The following MICAL3 variants were observed in gnomAD, a reference collection of about 807,000 sequenced individuals.
MICAL3 encodes the protein [F-actin]-monooxygenase MICAL3.
In MICAL3, 62 loss-of-function variants were observed where a neutral mutation model predicts 207.4. That is an observed-to-expected ratio of 0.30 (90% CI 0.24 to 0.37). MICAL3 has a LOEUF of 0.37. Ranked by LOEUF, MICAL3 falls within the 10% of genes least tolerant of loss-of-function variation. The pLI is 1.00. For synonymous variants in MICAL3, 1,077 were observed against 1,069.3 expected, an observed-to-expected ratio of 1.01 and a Z score of -0.14; for missense variants, 2,368 against 2,635.6, an observed-to-expected ratio of 0.90 and a Z score of 2.22.
intron 29 of MICAL3, among the ~76,000 whole-genome samples, chr22:17,808,182 A>G (rs368427526): frequency 1.3e-5 from 2 of 152,246 alleles, no homozygotes; most frequent in African/African-American, 2.4e-5. Flanking sequence ...GAATGAGCGC[A>G]CCACATTCTC....
In MICAL3 at chr22:17,817,647, C is replaced by A; in HGVS notation, c.5014G>T (p.Val1672Phe). ...CCTGAGTCCGACGGCGGGGAGAGGACCTCCTCGCTGGTGGCTTCATGCTTC... is the reference window on the plus strand; with the variant it reads ...CCTGAGTCCGACGGCGGGGAGAGGAACTCCTCGCTGGTGGCTTCATGCTTC... ...TLKHEATSEE[V>F]LSPPSDSGGP... The change falls in exon 26 of 32, where the codon GTC becomes TTC. Residue 1672 changes from valine to phenylalanine, a missense_variant. Transcript: ENST00000441493. 2.5e-6 allele frequency: 4 copies of A among 1,612,632 alleles called. No individual in the cohort carries two copies. Among genetic ancestry groups the A allele is most frequent in the East Asian group, 2.2e-5 (1 of 44,860 alleles).
At chr22:17,876,251 T>C (rs1461794460) in intron 16 of MICAL3, among the ~76,000 whole-genome samples, 5 of 152,212 alleles carry the variant, frequency 3.3e-5, no homozygotes, top group South Asian at 2.1e-4. Context: ...TCCCCAGAGA[T>C]TGAGGCAGTG....
intron 1 of MICAL3, among the ~76,000 whole-genome samples, chr22:17,966,057 C>T (rs1379983885): frequency 2.0e-5 from 3 of 152,210 alleles, no homozygotes; most frequent in South Asian, 2.1e-4. Flanking sequence ...AGAGAGGAGT[C>T]GGAGGTAACT....
At chr22:17,918,013 C>A (rs369715712) in intron 1 of MICAL3, among the ~76,000 whole-genome samples, 8 of 152,368 alleles carry the variant, frequency 5.3e-5, no homozygotes, top group African/African-American at 1.9e-4. Flanking sequence ...CCCGGATACA[C>A]CTGCTTTGTC....
In MICAL3 at chr22:17,889,020, CT is replaced by C. The variant is rs1264598010; in HGVS notation, c.1891+13del. 6.4e-7 allele frequency: 1 copy of C among 1,572,910 alleles called. No homozygotes were observed. Among genetic ancestry groups the C allele is most frequent in the East Asian group, 2.3e-5 (1 of 43,768 alleles). Reference sequence around the variant, plus strand: ...GCAGCAGGGGGCCGCAAAGCAGCTCCTTCCAGGCCTTACCGCTAGAGGGGAG... The same window carrying C: ...GCAGCAGGGGGCCGCAAAGCAGCTCCTCCAGGCCTTACCGCTAGAGGGGAG... On this transcript the variant is annotated intron_variant, in intron 13 of 31. Coordinates refer to ENST00000441493, the MANE Select transcript of MICAL3 (RefSeq NM_015241.3).
chr22:18,016,231 A>G (rs574040443), intron 1 of MICAL3, among the ~76,000 whole-genome samples: 1 of 152,344 alleles, frequency 6.6e-6, no homozygotes, highest in Non-Finnish European at 1.5e-5. Flanking sequence ...ATAACAGTAT[A>G]ATGGTGTTGT....
intron 1 of MICAL3, among the ~76,000 whole-genome samples, chr22:17,963,874 T>A (rs1370251769): frequency 6.6e-6 from 1 of 152,130 alleles, no homozygotes; most frequent in African/African-American, 2.4e-5. Context: ...CAGCTGAGGG[T>A]CAAATAGGCA....
At chr22:17,948,386 C>T (rs1179886887) in intron 1 of MICAL3, among the ~76,000 whole-genome samples, 1 of 152,116 alleles carries the variant, frequency 6.6e-6, no homozygotes, top group African/African-American at 2.4e-5. Flanking sequence ...GCATGGATAC[C>T]GGGGGGCCAT....
chr22:17,966,293 C>G (rs1223273220), intron 1 of MICAL3, among the ~76,000 whole-genome samples: 1 of 152,108 alleles, frequency 6.6e-6, no homozygotes, highest in Non-Finnish European at 1.5e-5. Context: ...ACATTCCACT[C>G]CCTCGGGCCT....
intron 1 of MICAL3, among the ~76,000 whole-genome samples, chr22:17,909,397 C>T (rs1421817977): frequency 1.3e-5 from 2 of 152,120 alleles, no homozygotes; most frequent in Non-Finnish European, 2.9e-5. Context: ...TGGTGGCACA[C>T]GCCTGTAATC....
chr22:18,016,579 G>A (rs575482636), intron 1 of MICAL3, among the ~76,000 whole-genome samples: 1 of 152,124 alleles, frequency 6.6e-6, no homozygotes, highest in Non-Finnish European at 1.5e-5. Context: ...AACTTTTCCA[G>A]AGTGTTATAT....
rs770784446 is a variant in MICAL3 at position 17,864,930 on chromosome 22, G to A, written c.2574C>T (p.Asn858=). 1.5e-5 allele frequency: 25 copies of A among 1,613,688 alleles called. 1 individual carries two copies. Among genetic ancestry groups the A allele is most frequent in the South Asian group, 6.6e-5 (6 of 91,080 alleles). Residue 858 remains asparagine, a synonymous_variant, in exon 19 of 32, where the codon AAC becomes AAT. Coordinates refer to ENST00000441493, the MANE Select transcript of MICAL3 (RefSeq NM_015241.3). ...GATTDANGRA[N]AVASSTERTP... ...TTCTCTCAGTGGAGCTGGCCACGGC[G>A]TTGGCCCGTCCGTTTGCATCTGTGG...
chr22:17,929,815 G>T (rs189596883), intron 1 of MICAL3, among the ~76,000 whole-genome samples: 1 of 152,082 alleles, frequency 6.6e-6, no homozygotes, highest in African/African-American at 2.4e-5. Context: ...TGATCCACCC[G>T]CCTTGGCCTC....
chr22:17,867,060 A>G (rs1456030912), intron 17 of MICAL3, among the ~76,000 whole-genome samples: 1 of 152,230 alleles, frequency 6.6e-6, no homozygotes, highest in Non-Finnish European at 1.5e-5. Context: ...GTCAAAGAAA[A>G]TAAAGGTAAG....
intron 19 of MICAL3, among the ~76,000 whole-genome samples, chr22:17,856,190 C>T (rs374921909): frequency 1.3e-5 from 2 of 152,268 alleles, no homozygotes; most frequent in East Asian, 1.9e-4. Flanking sequence ...GCCCCCAGGG[C>T]TAACTGATCA....
chr22:17,979,205 T>A (rs969884688), intron 1 of MICAL3, among the ~76,000 whole-genome samples: 1 of 151,654 alleles, frequency 6.6e-6, no homozygotes, highest in Non-Finnish European at 1.5e-5. Context: ...CCATGTCTTA[T>A]GAGTCACCAT....
At chr22:17,840,293 T>C (rs1368585545) in intron 20 of MICAL3, 1 of 152,202 alleles carries the variant, frequency 6.6e-6, no homozygotes, top group African/African-American at 2.4e-5. Context: ...GGTTTCATTA[T>C]GTTGGCCAGG....
intron 1 of MICAL3, among the ~76,000 whole-genome samples, chr22:17,998,387 C>T (rs1922545148): frequency 6.6e-6 from 1 of 152,122 alleles, no homozygotes; most frequent in Admixed American, 6.5e-5. Context: ...ATCATGTTAC[C>T]TCCATTTCTT....
At chr22:17,980,799 T>A in intron 1 of MICAL3, 1 of 486,844 alleles carries the variant, frequency 2.1e-6, no homozygotes, top group Non-Finnish European at 4.4e-6. Context: ...GCTGCCCGTC[T>A]GCTCCTCTGC....
Sources: gnomAD v4.1 joint callset for allele counts (sites outside exome capture counted in the v4.1 genomes callset) on GRCh38, gnomAD v4.1.1 for gene constraint, MANE v1.5 for transcripts, NCBI Gene and HGNC (gene_info 2026-07-23, HGNC 2026-07-21) for gene names.